Variants in ALK observed in about 807,000 individuals in gnomAD.
The protein encoded by ALK is ALK tyrosine kinase receptor.
A neutral mutation model predicts 163.1 loss-of-function variants in ALK; 74 were observed. The ratio of observed to expected loss-of-function variants is 0.45; its 90% CI spans 0.38 to 0.55. The LOEUF (loss-of-function observed/expected upper bound fraction) is 0.55. Among genes scored for constraint, ALK ranks in the 20% least tolerant of loss-of-function variants. The pLI is 0.00. For missense variants in ALK, 2,063 were observed against 2,105.3 expected (o/e 0.98, Z 0.39); for synonymous variants, 960 against 843.2 (o/e 1.14, Z -2.40).
chr2:29,801,964 G>T (rs1664477399), intron 1 of ALK, among the ~76,000 whole-genome samples: 3 of 152,070 alleles, frequency 2.0e-5, no homozygotes, highest in Admixed American at 2.0e-4. Context: ...AGGTCTGGGG[G>T]ACATAAATAA....
chr2:29,616,829 C>T (rs1180380148), intron 3 of ALK, among the ~76,000 whole-genome samples: 1 of 152,128 alleles, frequency 6.6e-6, no homozygotes, highest in Non-Finnish European at 1.5e-5. Flanking sequence ...CAAACTGTGC[C>T]CTGTCATTCA....
intron 24 of ALK, among the ~76,000 whole-genome samples, chr2:29,211,562 G>C (rs1573105416): frequency 6.6e-6 from 1 of 152,184 alleles, no homozygotes; most frequent in Non-Finnish European, 1.5e-5. Context: ...AAAAATGGAA[G>C]CATGTGGATC....
chr2:29,351,156 T>C (rs1398485167), intron 5 of ALK, among the ~76,000 whole-genome samples: 3 of 152,248 alleles, frequency 2.0e-5, no homozygotes, highest in Non-Finnish European at 4.4e-5. Flanking sequence ...TGAGTTATAT[T>C]GTGGCTTCTA....
intron 3 of ALK, among the ~76,000 whole-genome samples, chr2:29,689,103 C>G (rs1678320433): frequency 6.6e-6 from 1 of 152,152 alleles, no homozygotes; most frequent in Admixed American, 6.5e-5. Context: ...ACTTGCTCTC[C>G]AGAAACAGTG....
At chr2:29,283,216 C>G (rs1250316413) in intron 9 of ALK, among the ~76,000 whole-genome samples, 2 of 152,206 alleles carry the variant, frequency 1.3e-5, no homozygotes, top group Non-Finnish European at 2.9e-5. Flanking sequence ...AGGCCTCTTG[C>G]ATCCCTGGCC....
At chr2:29,422,661 CA>C (rs1670044071) in intron 4 of ALK, among the ~76,000 whole-genome samples, 1 of 152,086 alleles carries the variant, frequency 6.6e-6, no homozygotes, top group South Asian at 2.1e-4. Context: ...ACCTTTACAT[CA>C]AGCTTATCAT....
intron 5 of ALK, among the ~76,000 whole-genome samples, chr2:29,363,889 A>C (rs564253132): frequency 2.0e-4 from 31 of 152,176 alleles, no homozygotes; most frequent in Non-Finnish European, 4.1e-4. Context: ...CTATAGCTGG[A>C]AACTGAAGTA....
In ALK at chr2:29,359,640, C is replaced by T. The variant is rs142402070; in HGVS notation, c.1282+24092G>A. Among the ~76,000 whole-genome samples the T allele has an allele frequency of 3.8e-4, 58 of 152,300 alleles. No individual in the cohort carries two copies. The East Asian group carries it at 0.01, about 27-fold the overall frequency. Reference sequence around the variant, plus strand: ...AAGGTGACTTTGGGATCAATAGACACTCTAGCTGGACTTCCAGAGATTCGA... The same window carrying T: ...AAGGTGACTTTGGGATCAATAGACATTCTAGCTGGACTTCCAGAGATTCGA... On this transcript the variant is annotated intron_variant, in intron 5 of 28. Transcript: ENST00000389048.
intron 2 of ALK, 147 bp downstream of exon 2, chr2:29,717,431 G>C: frequency 1.1e-6 from 1 of 947,894 alleles, no homozygotes; most frequent in Admixed American, 2.0e-5. Context: ...GCGTCACTGG[G>C]AGACAGAGGG....
At chr2:29,279,744 C>T (rs1359593639) in intron 9 of ALK, among the ~76,000 whole-genome samples, 3 of 152,202 alleles carry the variant, frequency 2.0e-5, no homozygotes, top group South Asian at 2.1e-4. Flanking sequence ...TCAAGGCTCT[C>T]GCAGTCTCCT....
rs1412550335 is a variant in ALK, at chr2:29,674,769, C to A, written c.952+20081G>T. 3.4e-5 allele frequency among the ~76,000 whole-genome samples: 5 copies of A among 148,926 alleles called. No homozygotes were observed. The East Asian group carries it at 9.8e-4, about 29-fold the overall frequency. On this transcript the variant is annotated intron_variant, in intron 3 of 28. Transcript: ENST00000389048. Reference sequence around the variant, plus strand: ...GGAATGGTACCAGTTCCTCCTTGTACCTCTGGTAGAATTCGGCTGTGAATC... The same window carrying A: ...GGAATGGTACCAGTTCCTCCTTGTAACTCTGGTAGAATTCGGCTGTGAATC...
At chr2:29,228,606 C>A (rs1302352551) in intron 16 of ALK, among the ~76,000 whole-genome samples, 1 of 152,116 alleles carries the variant, frequency 6.6e-6, no homozygotes, top group Non-Finnish European at 1.5e-5. Context: ...AGAGACTAGT[C>A]TGGCAAGCCA....
chr2:29,645,845 C>G (rs1328947004), intron 3 of ALK, among the ~76,000 whole-genome samples: 1 of 152,160 alleles, frequency 6.6e-6, no homozygotes, highest in Non-Finnish European at 1.5e-5. Context: ...ATCATCCTTT[C>G]TTTAATCACA....
intron 4 of ALK, among the ~76,000 whole-genome samples, chr2:29,504,714 G>A (rs988242394): frequency 6.6e-6 from 1 of 152,148 alleles, no homozygotes; most frequent in Non-Finnish European, 1.5e-5. Flanking sequence ...GAGACCTCGA[G>A]GCTCATCAGC....
intron 3 of ALK, among the ~76,000 whole-genome samples, chr2:29,632,693 G>A (rs185065761): frequency 1.1e-4 from 16 of 152,252 alleles, no homozygotes; most frequent in African/African-American, 3.9e-4. Context: ...ACATACCTGA[G>A]ACTGGGCAAT....
intron 1 of ALK, among the ~76,000 whole-genome samples, chr2:29,830,402 T>G (rs1665333818): frequency 6.6e-6 from 1 of 152,064 alleles, no homozygotes; most frequent in Non-Finnish European, 1.5e-5. Context: ...TTTCCAGCCC[T>G]AGAATGTAGG....
At chr2:29,659,261 T>A (rs1004281170) in intron 3 of ALK, among the ~76,000 whole-genome samples, 1 of 152,184 alleles carries the variant, frequency 6.6e-6, no homozygotes, top group Admixed American at 6.5e-5. Flanking sequence ...CTGGGAACAA[T>A]GCTACTTAAT....
chr2:29,201,850 C>T (rs538989803), intron 26 of ALK, among the ~76,000 whole-genome samples: 8 of 152,074 alleles, frequency 5.3e-5, no homozygotes, highest in East Asian at 1.9e-4. Context: ...CAAGCCACAT[C>T]GCTCTCCTGT....
At chr2:29,283,385 G>A (rs1665763411) in intron 9 of ALK, among the ~76,000 whole-genome samples, 1 of 152,288 alleles carries the variant, frequency 6.6e-6, no homozygotes, top group East Asian at 1.9e-4. Flanking sequence ...ATTCTTCTTG[G>A]AGGGACAGGG....
Sources: allele counts gnomAD v4.1 joint callset (sites outside exome capture counted in the v4.1 genomes callset), GRCh38; gene constraint gnomAD v4.1.1; transcripts MANE v1.5; gene names NCBI Gene and HGNC (gene_info 2026-07-23, HGNC 2026-07-21).